CARS1: variants seen among roughly 807,000 people sequenced by gnomAD.
CARS1 encodes cysteine--tRNA ligase, cytoplasmic.
A neutral mutation model predicts 106.2 loss-of-function variants in CARS1; 48 were observed. The observed-to-expected ratio is 0.45, with a 90% CI of 0.36 to 0.57. The LOEUF (loss-of-function observed/expected upper bound fraction) is 0.57. Ranked by LOEUF, CARS1 falls within the 20% of genes least tolerant of loss-of-function variation. CARS1 has a pLI of 0.00. For missense variants in CARS1, 968 were observed against 1,057.2 expected (o/e 0.92, Z 1.17); for synonymous variants, 409 against 403.4 (o/e 1.01, Z -0.17).
In CARS1 at chr11:3,053,848, C is replaced by CT. The variant is rs975909048; in HGVS notation, c.25+3494dup. Among the ~76,000 whole-genome samples the CT allele has an allele frequency of 5.3e-5, 8 of 152,162 alleles. No homozygotes were observed. Among genetic ancestry groups the CT allele is most frequent in the Non-Finnish European group, 8.8e-5 (6 of 68,030 alleles). ...TCTGCACCCCTCACTCACCCTGACC[C>CT]TTTGCCCTCTGACCCTGCTACTTCA... On this transcript the variant is annotated intron_variant, in intron 1 of 22. Transcript: ENST00000380525. This position sits in a 1 kb window ranked among gnomAD's most constrained non-coding sequence, Gnocchi z 6.6.
intron 7 of CARS1, chr11:3,031,596 G>GA (rs1352438848): frequency 6.6e-6 from 1 of 152,190 alleles, no homozygotes; most frequent in Non-Finnish European, 1.5e-5. Flanking sequence ...TGAATAAACT[G>GA]AAAAACCAAC....
intron 18 of CARS1, chr11:3,007,327 G>A (rs1212048268): frequency 7.3e-6 from 2 of 275,770 alleles, no homozygotes; most frequent in Non-Finnish European, 1.4e-5. Flanking sequence ...ACAGGCCTGG[G>A]GGTCCCTTCG....
At position 3,002,013 on chromosome 11, in the gene CARS1, A is replaced by G. The variant is rs766507190; in HGVS notation, c.2318T>C (p.Met773Thr). The change falls in exon 22 of 23, where the codon ATG (methionine) becomes ACG (threonine). Residue 773 changes from methionine to threonine, a missense_variant. Physicochemically the swap from Met to Thr is moderately conservative, Grantham distance 81. Transcript: ENST00000380525. The stretch of plus-strand genomic sequence containing the variant: ...GTATTTGTCGGTTTCTGACAAGAAC[A>G]TCTCACTGGGGGGAATCTTCATCTT... ...LAKMKIPPSE[M>T]FLSETDKYSK... 1.2e-6 allele frequency: 2 copies of G among 1,613,926 alleles called. No individual in the cohort carries two copies. Among genetic ancestry groups the G allele is most frequent in the South Asian group, 2.2e-5 (2 of 91,086 alleles).
rs1224840781 is a variant in CARS1 at position 3,052,743 on chromosome 11, G to A, written c.25+4600C>T. 6.6e-6 allele frequency among the ~76,000 whole-genome samples: 1 copy of A among 152,172 alleles called. No homozygotes were observed. Among genetic ancestry groups the A allele is most frequent in the Non-Finnish European group, 1.5e-5 (1 of 68,030 alleles). ...TGGTAGCTGCATTTAAGTGTGTCTCGAGGAAACAAATAAAAATAGGTCAGC... is the reference window on the plus strand; with the variant it reads ...TGGTAGCTGCATTTAAGTGTGTCTCAAGGAAACAAATAAAAATAGGTCAGC... On this transcript the variant is annotated intron_variant, in intron 1 of 22. Transcript: ENST00000380525. This position sits in a 1 kb window ranked among gnomAD's most constrained non-coding sequence, Gnocchi z 4.6.
In CARS1 at chr11:3,018,163, C is replaced by T. The variant is rs578132632; in HGVS notation, c.1630-209G>A. The T allele has an allele frequency of 1.3e-5, 8 of 613,432 alleles. No homozygotes were observed. The African/African-American group carries it at 1.5e-4, about 11-fold the overall frequency. The allele number at this position is 613,432 out of a possible 1,614,324, so 38.0% of individuals were successfully genotyped here. On this transcript the variant is annotated intron_variant, in intron 14 of 22. Coordinates refer to ENST00000380525, the MANE Select transcript of CARS1 (RefSeq NM_001014437.3). ...ACAGATGCTCATTTGGTGGAAAGTA[C>T]AAGTCAGAAGGACGTGCACTGCAGT...
intron 7 of CARS1, among the ~76,000 whole-genome samples, chr11:3,035,927 G>A (rs1010429352): frequency 6.6e-6 from 1 of 152,226 alleles, no homozygotes; most frequent in Non-Finnish European, 1.5e-5. Flanking sequence ...CTAAGAGGCC[G>A]GGAAACCCAG....
intron 7 of CARS1, among the ~76,000 whole-genome samples, chr11:3,032,347 A>G (rs1852957760): frequency 6.6e-6 from 1 of 152,072 alleles, no homozygotes; most frequent in African/African-American, 2.4e-5. Flanking sequence ...CTGGGAGTTC[A>G]GGCGTGAGCC....
Position 3,004,365 on chromosome 11 carries a change from T to C in CARS1, c.2217+1001A>G, listed in dbSNP as rs1176486379. 4.6e-5 allele frequency among the ~76,000 whole-genome samples: 7 copies of C among 152,234 alleles called. No homozygotes were observed. The highest frequency in any genetic ancestry group is 7.3e-5 in the Non-Finnish European group (5 of 68,032). ...CCTTGGGCCAGTGCAGGGCTAGGCATAGATGCCTTCCCTGACCTTGTACAT... is the reference window on the plus strand; with the variant it reads ...CCTTGGGCCAGTGCAGGGCTAGGCACAGATGCCTTCCCTGACCTTGTACAT... On this transcript the variant is annotated intron_variant, in intron 20 of 22. Coordinates refer to ENST00000380525, the MANE Select transcript of CARS1 (RefSeq NM_001014437.3). This position sits in a 1 kb window ranked among gnomAD's most constrained non-coding sequence, Gnocchi z 5.2.
chr11:3,031,751 G>A (rs963052743), intron 7 of CARS1, among the ~76,000 whole-genome samples: 1 of 152,146 alleles, frequency 6.6e-6, no homozygotes, highest in Non-Finnish European at 1.5e-5. Context: ...CAGTGTTGGG[G>A]GAGGAAAACC....
In CARS1 at chr11:3,047,940, G is replaced by A. The variant is rs374105235; in HGVS notation, c.87C>T (p.Asn29=). The change falls in exon 2 of 23, where the codon AAC becomes AAT. Residue 29 remains asparagine (N), a synonymous_variant. Transcript: ENST00000380525. ...CATAGCTACGCGTGCTGAGGTGCTCGTTCAGGGCTTGTGCCCTGGCTGCCT... is the reference window on the plus strand; with the variant it reads ...CATAGCTACGCGTGCTGAGGTGCTCATTCAGGGCTTGTGCCCTGGCTGCCT... ...SDEAARAQAL[N]EHLSTRSYVQ... is the part of the protein sequence containing the mutation. 4.7e-5 allele frequency: 76 copies of A among 1,614,034 alleles called. No individual in the cohort carries two copies. Among genetic ancestry groups the A allele is most frequent in the Middle Eastern group, 1.6e-4 (1 of 6,084 alleles).
chr11:3,012,930 G>GC (rs1416274650), intron 17 of CARS1, among the ~76,000 whole-genome samples: 4 of 121,254 alleles, frequency 3.3e-5, no homozygotes, highest in Non-Finnish European at 4.8e-5. Flanking sequence ...TTGCTCTGTT[G>GC]CCAGGCTGGA....
At chr11:3,032,634 A>C (rs149897407) in intron 7 of CARS1, among the ~76,000 whole-genome samples, 27 of 152,078 alleles carry the variant, frequency 1.8e-4, no homozygotes, top group African/African-American at 6.3e-4. Context: ...TCTGTTTAAA[A>C]ATTTTTTCCG....
rs149846588 is a variant in CARS1 at position 3,037,798 on chromosome 11, G to T, written c.801+252C>A. On this transcript the variant is annotated intron_variant, in intron 7 of 22. Transcript: ENST00000380525. This position sits in a 1 kb window ranked among gnomAD's most constrained non-coding sequence, Gnocchi z 5.9. The stretch of plus-strand genomic sequence containing the variant: ...TGCCTATCTGATGGAAGTGGTGGGA[G>T]GGTGTGGATCCCGAGTCTCCTTCCA... Among the ~76,000 whole-genome samples, 410 of 152,278 alleles carry T rather than the reference G, an allele frequency of 2.7e-3. 1 individual carries two copies. Among genetic ancestry groups the T allele is most frequent in the Middle Eastern group, 0.017 (5 of 294 alleles).
Position 3,037,982 on chromosome 11 carries a change from C to G in CARS1, c.801+68G>C. On this transcript the variant is annotated intron_variant, in intron 7 of 22. Coordinates refer to ENST00000380525, the MANE Select transcript of CARS1 (RefSeq NM_001014437.3). The surrounding 1 kb of genome is among the most constrained non-coding windows in gnomAD (Gnocchi z 5.9). ...AATCTGTGGAATCAATCCGTGCACA[C>G]AGATCAGTCTATGCACGGCCCGACA... 4 of 1,438,650 alleles carry G rather than the reference C, an allele frequency of 2.8e-6. No homozygotes were observed. Among genetic ancestry groups the G allele is most frequent in the Non-Finnish European group, 3.8e-6 (4 of 1,042,744 alleles). 89.1% of individuals were successfully genotyped at this position (1,438,650 alleles called of 1,614,324 possible).
In CARS1 at chr11:3,055,162, T is replaced by C. The variant is rs1590592124; in HGVS notation, c.25+2181A>G. On this transcript the variant is annotated intron_variant, in intron 1 of 22. Coordinates refer to ENST00000380525, the MANE Select transcript of CARS1 (RefSeq NM_001014437.3). ...GATGGTCACTGAAAGCATTTACGAT[T>C]GGATTTTTTTTTTTTTGAGACGGAG... is the stretch of plus-strand genomic sequence containing the variant. The C allele has an allele frequency of 1.2e-5, 7 of 580,606 alleles. No homozygotes were observed. In the East Asian group the frequency reaches 2.0e-4, roughly 16 times the overall value. The allele number at this position is 580,606 out of a possible 1,614,324, so 36.0% of individuals were successfully genotyped here.
chr11:3,039,899 ACTCTT>A lies in CARS1; in HGVS notation c.483_487del (p.Arg161SerfsTer9). The A allele has an allele frequency of 6.3e-7, 1 of 1,589,618 alleles. No individual in the cohort carries two copies. Among genetic ancestry groups the A allele is most frequent in the Non-Finnish European group, 8.6e-7 (1 of 1,166,850 alleles). On this transcript the variant is annotated frameshift_variant, in exon 5 of 23. Transcript: ENST00000380525. LOFTEE classifies it high-confidence loss of function. The surrounding 1 kb of genome is among the most constrained non-coding windows in gnomAD (Gnocchi z 5.6). ...ATCAAATTTGAAGTAATCCTTCAAC[ACTCTT>A]CTCAAGATATCAAAAGAGATGTAGG...
In CARS1 at chr11:3,045,419, C is replaced by T. The variant is rs1427641545; in HGVS notation, c.274+2334G>A. ...AGCTGGGACTATAGGCACCCGCCAT[C>T]ACGCCCGGCTAATTTTTTGTATTTT... On this transcript the variant is annotated intron_variant, in intron 2 of 22. Coordinates refer to ENST00000380525, the MANE Select transcript of CARS1 (RefSeq NM_001014437.3). This position sits in a 1 kb window ranked among gnomAD's most constrained non-coding sequence, Gnocchi z 5.6. 6.6e-6 allele frequency among the ~76,000 whole-genome samples: 1 copy of T among 152,190 alleles called. No homozygotes were observed. The highest frequency in any genetic ancestry group is 1.5e-5 in the Non-Finnish European group (1 of 68,038).
intron 22 of CARS1, 91 bp from the exon 23 acceptor site, chr11:3,001,339 A>C: frequency 6.9e-7 from 1 of 1,451,006 alleles, no homozygotes; most frequent in African/African-American, 1.4e-5. Flanking sequence ...CAAAGTGTCT[A>C]TCTCCCTGAT....
Position 3,043,156 on chromosome 11 carries a change from G to T in CARS1, c.275-900C>A, listed in dbSNP as rs949517730. On this transcript the variant is annotated intron_variant, in intron 2 of 22. Coordinates refer to ENST00000380525, the MANE Select transcript of CARS1 (RefSeq NM_001014437.3). This position sits in a 1 kb window ranked among gnomAD's most constrained non-coding sequence, Gnocchi z 4.0. Reference sequence around the variant, plus strand: ...GTTCCCCTCCACTCGCCTGTGGGCCGCCTGGGCTGCTCTGAGCACACTGCT... The same window carrying T: ...GTTCCCCTCCACTCGCCTGTGGGCCTCCTGGGCTGCTCTGAGCACACTGCT... Among the ~76,000 whole-genome samples, 4 of 152,064 alleles carry T rather than the reference G, an allele frequency of 2.6e-5. No individual in the cohort carries two copies. In the South Asian group the frequency reaches 6.2e-4, roughly 24 times the overall value.
Sources: allele counts gnomAD v4.1 joint callset (sites outside exome capture counted in the v4.1 genomes callset), GRCh38; gene constraint gnomAD v4.1.1; non-coding constraint Gnocchi (gnomAD v3.1); transcripts MANE v1.5; gene names NCBI Gene and HGNC (gene_info 2026-07-23, HGNC 2026-07-21).